Variants in ADARB2 observed in about 807,000 individuals in gnomAD.
The protein encoded by ADARB2 is adenosine deaminase RNA specific B2 (inactive).
Under a neutral mutation model 62.2 loss-of-function variants are expected in ADARB2, and 25 were observed. That is an observed-to-expected ratio of 0.40 (90% confidence interval 0.29 to 0.56). The LOEUF (loss-of-function observed/expected upper bound fraction) is 0.56. Among genes scored for constraint, ADARB2 ranks in the 20% least tolerant of loss-of-function variants. The pLI, the probability that ADARB2 is intolerant of heterozygous loss-of-function variation, is 0.43. For synonymous variants in ADARB2, 572 were observed against 500.8 expected, an observed-to-expected ratio of 1.14 and a Z score of -1.90; for missense variants, 1,071 against 1,077.4, an observed-to-expected ratio of 0.99 and a Z score of 0.08.
intron 1 of ADARB2, among the ~76,000 whole-genome samples, chr10:1,734,293 GGT>G (rs1398728642): frequency 2.3e-5 from 3 of 129,336 alleles, no homozygotes; most frequent in East Asian, 5.8e-4. Flanking sequence ...CTGTGACGAA[GGT>G]GTTTTTTTTT....
Position 1,678,160 on chromosome 10 carries a change from C to T in ADARB2, c.100+58891G>A, listed in dbSNP as rs74108981. On this transcript the variant is annotated intron_variant, in intron 1 of 9. Transcript: ENST00000381312. ...GATGGCAGGGGCTTGGCTGAGGGGT[C>T]GGTCACCCAGCAAATGCCCAGGGCA... is the stretch of plus-strand genomic sequence containing the variant. 1.1e-3 allele frequency: 1,119 copies of T among 985,320 alleles called. 7 individuals are homozygous for T. The African/African-American group carries it at 0.018, about 16-fold the overall frequency. The allele number at this position is 985,320 out of a possible 1,614,324, so 61.0% of individuals were successfully genotyped here.
rs150738886 is a variant in ADARB2, at chr10:1,601,689, C to T, written c.100+135362G>A. On this transcript the variant is annotated intron_variant, in intron 1 of 9. Coordinates refer to ENST00000381312, the MANE Select transcript of ADARB2 (RefSeq NM_018702.4). ...GTCCAAGGAACGTTGGTGGGAGAGA[C>T]GATGTGCTCCTGACGACAGCCACCT... Among the ~76,000 whole-genome samples, 736 of 152,266 alleles carry T rather than the reference C, an allele frequency of 4.8e-3. 3 individuals are homozygous for T. The highest frequency in any genetic ancestry group is 0.016 in the African/African-American group (676 of 41,554).
chr10:1,729,636 G>C (rs1188241237), intron 1 of ADARB2, among the ~76,000 whole-genome samples: 2 of 152,144 alleles, frequency 1.3e-5, no homozygotes, highest in Non-Finnish European at 2.9e-5. Context: ...AATAAAACCT[G>C]CTTTTTGTTT....
chr10:1,187,098 C>T (rs1836769371), intron 8 of ADARB2, among the ~76,000 whole-genome samples: 1 of 152,252 alleles, frequency 6.6e-6, no homozygotes, highest in South Asian at 2.1e-4. Flanking sequence ...TGGCCACAGA[C>T]AGGTGATGTG....
intron 1 of ADARB2, among the ~76,000 whole-genome samples, chr10:1,693,409 G>T (rs554632225): frequency 6.6e-6 from 1 of 152,318 alleles, no homozygotes; most frequent in South Asian, 2.1e-4. Flanking sequence ...ACCACCTGGA[G>T]CGCTGTCATC....
intron 4 of ADARB2, among the ~76,000 whole-genome samples, chr10:1,247,789 G>A (rs1427067622): frequency 6.6e-6 from 1 of 152,228 alleles, no homozygotes; most frequent in African/African-American, 2.4e-5. Flanking sequence ...GGCAGGTCTA[G>A]GGCCCTCATA....
chr10:1,393,821 T>G (rs1832589812), intron 1 of ADARB2, among the ~76,000 whole-genome samples: 1 of 151,786 alleles, frequency 6.6e-6, no homozygotes, highest in Non-Finnish European at 1.5e-5. Context: ...AGGTGACTCC[T>G]TGCAAGAAAG....
chr10:1,391,367 A>T (rs1316936294), intron 1 of ADARB2, among the ~76,000 whole-genome samples: 1 of 152,158 alleles, frequency 6.6e-6, no homozygotes, highest in African/African-American at 2.4e-5. Context: ...CCTGCCCATC[A>T]GACACCTGAT....
At chr10:1,353,538 A>G (rs1421967281) in intron 3 of ADARB2, among the ~76,000 whole-genome samples, 1 of 152,046 alleles carries the variant, frequency 6.6e-6, no homozygotes, top group Non-Finnish European at 1.5e-5. Flanking sequence ...ATTTCACATC[A>G]GCAAGCCACC....
At chr10:1,189,560 G>T (rs561663092) in intron 8 of ADARB2, among the ~76,000 whole-genome samples, 1 of 152,164 alleles carries the variant, frequency 6.6e-6, no homozygotes, top group East Asian at 1.9e-4. Context: ...ATTAACTCCT[G>T]GCTCATTCCT....
chr10:1,317,454 T>G (rs1316069419), intron 3 of ADARB2, among the ~76,000 whole-genome samples: 1 of 152,222 alleles, frequency 6.6e-6, no homozygotes, highest in Admixed American at 6.5e-5. Flanking sequence ...TTTCACATAA[T>G]TTTTTAATTT....
intron 5 of ADARB2, among the ~76,000 whole-genome samples, chr10:1,235,301 C>A (rs1177287404): frequency 7.7e-6 from 1 of 129,494 alleles, no homozygotes; most frequent in Non-Finnish European, 1.6e-5. Flanking sequence ...CCTTCTGCAT[C>A]CAGCCATGAC....
At chr10:1,384,886 T>C (rs1832512834) in intron 1 of ADARB2, among the ~76,000 whole-genome samples, 1 of 152,158 alleles carries the variant, frequency 6.6e-6, no homozygotes, top group African/African-American at 2.4e-5. Context: ...GCTGGGGACC[T>C]GCGAGCTGAA....
intron 1 of ADARB2, among the ~76,000 whole-genome samples, chr10:1,647,528 T>C (rs1465850653): frequency 1.3e-5 from 2 of 152,190 alleles, no homozygotes; most frequent in African/African-American, 4.8e-5. Context: ...TATGCATGCA[T>C]GTGTGTTTAT....
chr10:1,553,099 C>T (rs1314637643), intron 1 of ADARB2, among the ~76,000 whole-genome samples: 4 of 143,912 alleles, frequency 2.8e-5, no homozygotes, highest in Non-Finnish European at 4.6e-5. Flanking sequence ...ACCGCGTCCT[C>T]GCAGCCCAGG....
intron 1 of ADARB2, among the ~76,000 whole-genome samples, chr10:1,397,350 G>T (rs1564279089): frequency 9.8e-5 from 1 of 10,154 alleles, no homozygotes. Flanking sequence ...GTCACCATCA[G>T]CCTCTCCCCT....
At chr10:1,391,005 C>T (rs1381587588) in intron 1 of ADARB2, among the ~76,000 whole-genome samples, 1 of 152,164 alleles carries the variant, frequency 6.6e-6, no homozygotes, top group Non-Finnish European at 1.5e-5. Context: ...TTTGGCTCAC[C>T]CCCTGCCCCC....
At chr10:1,526,586 C>G (rs1279300459) in intron 1 of ADARB2, 1 of 235,684 alleles carries the variant, frequency 4.2e-6, no homozygotes. Context: ...CACGTGATCT[C>G]TGCACAGGCC....
At chr10:1,679,178 C>T (rs900227965) in intron 1 of ADARB2, among the ~76,000 whole-genome samples, 1 of 152,142 alleles carries the variant, frequency 6.6e-6, no homozygotes, top group Non-Finnish European at 1.5e-5. Context: ...GAAAAGGCAT[C>T]GAGGAGCTGC....
Sources: gnomAD v4.1 joint callset for allele counts (sites outside exome capture counted in the v4.1 genomes callset) on GRCh38, gnomAD v4.1.1 for gene constraint, MANE v1.5 for transcripts, NCBI Gene and HGNC (gene_info 2026-07-23, HGNC 2026-07-21) for gene names.